Variants in BUB1B observed in about 807,000 individuals in gnomAD.
BUB1B encodes BUB1 mitotic checkpoint serine/threonine kinase B.
A neutral mutation model predicts 137.7 loss-of-function variants in BUB1B; 86 were observed. That is an observed-to-expected ratio of 0.62 (90% CI 0.52 to 0.75). The LOEUF is 0.75. Among genes scored for constraint, BUB1B ranks in the 30% least tolerant of loss-of-function variants. The pLI is 0.00. For synonymous variants in BUB1B, 420 were observed against 417.9 expected, an observed-to-expected ratio of 1.00 and a Z score of -0.06; for missense variants, 1,130 against 1,236.9, an observed-to-expected ratio of 0.91 and a Z score of 1.30.
chr15:40,209,712 G>A lies in BUB1B; in HGVS notation c.2221G>A (p.Ala741Thr). 1 of 1,614,164 alleles carries A rather than the reference G, an allele frequency of 6.2e-7. No individual in the cohort carries two copies. The highest frequency in any genetic ancestry group is 8.5e-7 in the Non-Finnish European group (1 of 1,180,028). ...GTCCCTACCAGAGTTAAGTGCCTCT[G>A]CAGAGTTGTGTATAGAAGACAGACC... ...LKSLPELSAS[A>T]ELCIEDRPMP... Residue 741 changes from alanine (A) to threonine (T), a missense_variant, in exon 17 of 23, where the codon GCA becomes ACA. By Grantham distance (58) the Ala-to-Thr change is moderately conservative. Coordinates refer to ENST00000287598, the MANE Select transcript of BUB1B (RefSeq NM_001211.6).
chr15:40,163,751 G>A (rs552341043), intron 1 of BUB1B, among the ~76,000 whole-genome samples: 46 of 152,234 alleles, frequency 3.0e-4, no homozygotes, highest in African/African-American at 1.0e-3. Context: ...GTTTGGTGAC[G>A]TTTTTGTGAC....
At chr15:40,166,948 T>C (rs910728733) in intron 2 of BUB1B, among the ~76,000 whole-genome samples, 2 of 152,172 alleles carry the variant, frequency 1.3e-5, no homozygotes, top group African/African-American at 4.8e-5. Context: ...TGTATCTGTT[T>C]AGATATTTTG....
At chr15:40,179,967 CATATATAT>C (rs34339420) in intron 5 of BUB1B, among the ~76,000 whole-genome samples, 6 of 143,552 alleles carry the variant, frequency 4.2e-5, no homozygotes, top group Non-Finnish European at 7.5e-5. Flanking sequence ...TTTCAAAAGC[CATATATAT>C]ATATATATAT....
intron 4 of BUB1B, among the ~76,000 whole-genome samples, chr15:40,173,153 T>C (rs1471318468): frequency 6.6e-5 from 10 of 151,860 alleles, no homozygotes. Context: ...CACGTGGTGG[T>C]GCGCACATGT....
chr15:40,165,904 G>A (rs903649408), intron 2 of BUB1B, among the ~76,000 whole-genome samples: 40 of 150,920 alleles, frequency 2.7e-4, no homozygotes, highest in Non-Finnish European at 8.8e-5. Flanking sequence ...CCAGGTTGGA[G>A]TACAGTGGCC....
Position 40,176,932 on chromosome 15 carries a change from G to A in BUB1B, c.581+259G>A, listed in dbSNP as rs115399858. Among the ~76,000 whole-genome samples the A allele has an allele frequency of 8.2e-3, 1,244 of 152,114 alleles. 20 individuals are homozygous for A. The highest frequency in any genetic ancestry group is 0.028 in the African/African-American group (1,170 of 41,496). On this transcript the variant is annotated intron_variant, in intron 5 of 22. Transcript: ENST00000287598. Reference sequence around the variant, plus strand: ...CAGAATAATTTCACACCCCCCAAAAGAATTCCCTTTGTAATTAGTACCTAT... The same window carrying A: ...CAGAATAATTTCACACCCCCCAAAAAAATTCCCTTTGTAATTAGTACCTAT...
intron 1 of BUB1B, among the ~76,000 whole-genome samples, chr15:40,162,106 T>C (rs1396839529): frequency 6.6e-6 from 1 of 152,130 alleles, no homozygotes; most frequent in Admixed American, 6.6e-5. Context: ...GGGGTGGGGA[T>C]TGGTGCAATT....
At chr15:40,192,848 A>G (rs1364698134) in intron 8 of BUB1B, among the ~76,000 whole-genome samples, 1 of 152,136 alleles carries the variant, frequency 6.6e-6, no homozygotes, top group Non-Finnish European at 1.5e-5. Context: ...TGCGGTAGAC[A>G]TTCATGTGCA....
In BUB1B at chr15:40,199,837, A is replaced by G; in HGVS notation, c.1401+110A>G. ...CCAACCCCCATTTAGAGTTTCTGGT[A>G]GTTTCTTAGCTGTTAGTAGCCGGAA... On this transcript the variant is annotated intron_variant, in intron 10 of 22. Transcript: ENST00000287598. The G allele has an allele frequency of 3.4e-6, 3 of 883,160 alleles. 1 individual carries two copies. The highest frequency in any genetic ancestry group is 5.5e-6 in the Non-Finnish European group (3 of 549,036). The allele number at this position is 883,160 out of a possible 1,614,324, so 54.7% of individuals were successfully genotyped here. A position where few individuals can be genotyped will look rare whatever the true frequency, so the allele number is the denominator to read the frequency against.
In BUB1B at chr15:40,200,976, T is replaced by C. The variant is rs905389321; in HGVS notation, c.1563T>C (p.Ser521=). The stretch of plus-strand genomic sequence containing the variant: ...ACATTTGGCAGGAACAACCTCATTC[T>C]AAAGGTGAGTTGTATTTGACAGCCT... ...AENIWQEQPH[S]KGPSVPFSIF... Residue 521 remains serine (S), a synonymous_variant, in exon 12 of 23, where the codon TCT becomes TCC. Transcript: ENST00000287598. 15 of 1,612,994 alleles carry C rather than the reference T, an allele frequency of 9.3e-6. No individual in the cohort carries two copies. The highest frequency in any genetic ancestry group is 1.3e-5 in the Non-Finnish European group (15 of 1,179,360).
At chr15:40,211,723 A>G (rs1402459548) in intron 18 of BUB1B, among the ~76,000 whole-genome samples, 1 of 152,012 alleles carries the variant, frequency 6.6e-6, no homozygotes, top group African/African-American at 2.4e-5. Flanking sequence ...TATACTCACT[A>G]GGTAATAAAC....
In BUB1B at chr15:40,196,558, A is replaced by ATTGAACC; in HGVS notation, c.1074_1080dup (p.Ser361Ter). On this transcript the variant is annotated frameshift_variant, in exon 9 of 23. Transcript: ENST00000287598. LOFTEE classifies it high-confidence loss of function. ...TTGCTTCTTTAGGACACCATGTAAA[A>ATTGAACC]TTGAACCTAGTATAAACCACATCCT... The ATTGAACC allele has an allele frequency of 2.5e-6, 4 of 1,613,804 alleles. No homozygotes were observed. The highest frequency in any genetic ancestry group is 3.4e-6 in the Non-Finnish European group (4 of 1,179,760).
chr15:40,196,441 A>G, intron 8 of BUB1B, 104 bp from the exon 9 acceptor site: 5 of 1,096,050 alleles, frequency 4.6e-6, no homozygotes, highest in Non-Finnish European at 5.4e-6. Flanking sequence ...TTTGCAGAAC[A>G]TAATTATTGA....
intron 1 of BUB1B, among the ~76,000 whole-genome samples, chr15:40,163,526 G>A (rs769937021): frequency 5.9e-5 from 9 of 152,208 alleles, no homozygotes; most frequent in South Asian, 2.1e-4. Context: ...TTTGAACTTT[G>A]TGGTGGTAGG....
Position 40,176,468 on chromosome 15 carries a change from C to T in BUB1B, c.385-9C>T. 1 of 1,613,892 alleles carries T rather than the reference C, an allele frequency of 6.2e-7. No individual in the cohort carries two copies. Among genetic ancestry groups the T allele is most frequent in the South Asian group, 1.1e-5 (1 of 91,042 alleles). ...AGAAATTGGTTAACTGTTAACACTT[C>T]TGTTACAGGGGCGTTTATGCAATGA... On this transcript the variant is annotated splice_polypyrimidine_tract_variant and intron_variant, in intron 4 of 22. Coordinates refer to ENST00000287598, the MANE Select transcript of BUB1B (RefSeq NM_001211.6).
At chr15:40,199,445 G>A (rs1310825254) in intron 9 of BUB1B, among the ~76,000 whole-genome samples, 170 bp from the exon 10 acceptor site, 1 of 152,032 alleles carries the variant, frequency 6.6e-6, no homozygotes, top group Non-Finnish European at 1.5e-5. Flanking sequence ...TTTTTTTATT[G>A]AATGGATAAA....
At chr15:40,214,186 G>A (rs1300788608) in intron 20 of BUB1B, among the ~76,000 whole-genome samples, 1 of 152,190 alleles carries the variant, frequency 6.6e-6, no homozygotes, top group Non-Finnish European at 1.5e-5. Flanking sequence ...TGACCTGTTA[G>A]CCAAGAGAAG....
At position 40,200,359 on chromosome 15, in the gene BUB1B, G is replaced by C; in HGVS notation, c.1517G>C (p.Arg506Thr). ...GTTTGTCAAGTAAACTGTTGTGCCA[G>C]GTAAGACTACATAGGTGGAAGGGAC... ...SSVCQVNCCA[R>T]ETSLAENIWQ... is the part of the protein sequence containing the mutation. Residue 506 changes from arginine (R) to threonine (T), a missense_variant and splice_region_variant, in exon 11 of 23, where the codon AGA becomes ACA. Transcript: ENST00000287598. 1 of 1,610,506 alleles carries C rather than the reference G, an allele frequency of 6.2e-7. No homozygotes were observed. Among genetic ancestry groups the C allele is most frequent in the Non-Finnish European group, 8.5e-7 (1 of 1,176,894 alleles).
chr15:40,196,957 T>G (rs1345198487), intron 9 of BUB1B, among the ~76,000 whole-genome samples, 183 bp downstream of exon 9: 3 of 152,176 alleles, frequency 2.0e-5, no homozygotes, highest in Admixed American at 6.5e-5. Flanking sequence ...TTGTACTGTT[T>G]CTGTGTATCA....
Sources: allele counts gnomAD v4.1 joint callset (sites outside exome capture counted in the v4.1 genomes callset), GRCh38; gene constraint gnomAD v4.1.1; transcripts MANE v1.5; gene names NCBI Gene and HGNC (gene_info 2026-07-23, HGNC 2026-07-21).